PTCH1: variants seen among roughly 807,000 people sequenced by gnomAD.
PTCH1 encodes the protein patched 1, also known as protein patched homolog 1.
A neutral mutation model predicts 144.6 loss-of-function variants in PTCH1; 14 were observed. That is an observed-to-expected ratio of 0.10 (90% CI 0.06 to 0.15). The LOEUF (loss-of-function observed/expected upper bound fraction) is 0.15. PTCH1 is among the 10% of genes least tolerant of loss of function. PTCH1 has a pLI of 1.00. For missense variants in PTCH1, 1,623 were observed against 1,948.3 expected, an observed-to-expected ratio of 0.83 and a Z score of 3.14; for synonymous variants, 833 against 793.6, an observed-to-expected ratio of 1.05 and a Z score of -0.83.
At chr9:95,501,465 T>C (rs546291266) in intron 2 of PTCH1, among the ~76,000 whole-genome samples, 57 of 151,638 alleles carry the variant, frequency 3.8e-4, no homozygotes, top group African/African-American at 1.3e-3. Flanking sequence ...GCATTAACAC[T>C]AGCAAGGTAC....
In PTCH1 at chr9:95,446,087, C is replaced by T. The variant is rs757047196; in HGVS notation, c.*306G>A. 44 of 204,704 alleles carry T rather than the reference C, an allele frequency of 2.1e-4. No homozygotes were observed. The highest frequency in any genetic ancestry group is 3.4e-4 in the Non-Finnish European group (33 of 96,198). 12.7% of individuals were successfully genotyped at this position (204,704 alleles called of 1,614,324 possible). Reference sequence around the variant, plus strand: ...AGACTAATGAAGCTTGGTTGTGGCACGGAGCCCAATGCACAAATACGGAGA... The same window carrying T: ...AGACTAATGAAGCTTGGTTGTGGCATGGAGCCCAATGCACAAATACGGAGA... On this transcript the variant is annotated 3_prime_UTR_variant, in exon 24 of 24. Transcript: ENST00000331920.
chr9:95,507,904 A>C, intron 1 of PTCH1: 1 of 1,292,734 alleles, frequency 7.7e-7, no homozygotes, highest in Non-Finnish European at 9.9e-7. Context: ...GGGCGTGTGT[A>C]TACACACACA....
chr9:95,488,815 T>C (rs1238647258), intron 2 of PTCH1, among the ~76,000 whole-genome samples: 1 of 152,166 alleles, frequency 6.6e-6, no homozygotes, highest in African/African-American at 2.4e-5. Context: ...GGGGAAAAGA[T>C]ATTTCAAATG....
At chr9:95,515,687 G>A (rs557924131) in intron 1 of PTCH1, among the ~76,000 whole-genome samples, 103 of 152,312 alleles carry the variant, frequency 6.8e-4, no homozygotes, top group South Asian at 1.2e-3. Flanking sequence ...TAAGCACTGG[G>A]CTGGTCGCCC....
intron 16 of PTCH1, among the ~76,000 whole-genome samples, chr9:95,461,156 C>T (rs1373905554): frequency 6.6e-6 from 1 of 152,100 alleles, no homozygotes; most frequent in Admixed American, 6.5e-5. Context: ...CTCCTGAACA[C>T]ACCTGCAGAA....
chr9:95,494,512 G>T, intron 2 of PTCH1: 1 of 926,150 alleles, frequency 1.1e-6, no homozygotes, highest in African/African-American at 1.8e-5. Flanking sequence ...TCTTCCATCC[G>T]GAACAGCGTA....
intron 1 of PTCH1, among the ~76,000 whole-genome samples, chr9:95,514,742 T>G (rs570559744): frequency 6.6e-6 from 1 of 152,334 alleles, no homozygotes; most frequent in Non-Finnish European, 1.5e-5. Context: ...AAGTTGAAGA[T>G]AATTTTGTAA....
At position 95,445,558 on chromosome 9, in the gene PTCH1, A is replaced by T. The variant is rs966758996; in HGVS notation, c.*835T>A. 4 of 152,232 alleles carry T rather than the reference A, an allele frequency of 2.6e-5. No homozygotes were observed. Among genetic ancestry groups the T allele is most frequent in the Non-Finnish European group, 5.9e-5 (4 of 68,068 alleles). 9.4% of individuals were successfully genotyped at this position (152,232 alleles called of 1,614,324 possible). Reference sequence around the variant, plus strand: ...GGATGGCAGCCAATGATCATAAGAGATGCCGTAGACACGAGGAGAGTCTAG... The same window carrying T: ...GGATGGCAGCCAATGATCATAAGAGTTGCCGTAGACACGAGGAGAGTCTAG... On this transcript the variant is annotated 3_prime_UTR_variant, in exon 24 of 24. Coordinates refer to ENST00000331920, the MANE Select transcript of PTCH1 (RefSeq NM_000264.5).
chr9:95,510,913 A>G (rs987667063), upstream of PTCH1, among the ~76,000 whole-genome samples: 3 of 149,814 alleles, frequency 2.0e-5, no homozygotes, highest in Non-Finnish European at 4.5e-5. Context: ...GTAGGTAGGG[A>G]GGCGGATGCG....
At chr9:95,493,455 C>G (rs1010884610) in intron 2 of PTCH1, among the ~76,000 whole-genome samples, 1 of 152,204 alleles carries the variant, frequency 6.6e-6, no homozygotes, top group Non-Finnish European at 1.5e-5. Flanking sequence ...AATGCGCAGT[C>G]TCAATACAGA....
intron 2 of PTCH1, chr9:95,495,098 G>A (rs1016011663): frequency 1.3e-5 from 2 of 152,258 alleles, no homozygotes; most frequent in African/African-American, 2.4e-5. Flanking sequence ...CTCTGCATCT[G>A]TGCAGGGAGA....
upstream of PTCH1, among the ~76,000 whole-genome samples, chr9:95,511,642 A>T (rs1323249314): frequency 6.6e-6 from 1 of 152,202 alleles, no homozygotes; most frequent in Non-Finnish European, 1.5e-5. Context: ...AATGACACTG[A>T]GTTGATAAAG....
chr9:95,479,244 G>T, intron 7 of PTCH1, 97 bp from the exon 8 acceptor site: 1 of 1,495,630 alleles, frequency 6.7e-7, no homozygotes, highest in Non-Finnish European at 9.3e-7. Context: ...CTCACTGGCT[G>T]CAATTCTTTT....
chr9:95,453,139 A>G, intron 20 of PTCH1: 1 of 303,166 alleles, frequency 3.3e-6, no homozygotes, highest in Non-Finnish European at 6.5e-6. Flanking sequence ...TAATAACAAT[A>G]TTTTTTTTTT....
At chr9:95,456,441 G>A (rs2136651115) in intron 18 of PTCH1, 28 bp from the exon 19 acceptor site, 2 of 1,612,002 alleles carry the variant, frequency 1.2e-6, no homozygotes, top group Non-Finnish European at 8.5e-7. Context: ...GTGGTCAGTG[G>A]GCGGGCAGGT....
chr9:95,507,088 T>C (rs559518761), intron 1 of PTCH1: 2 of 985,952 alleles, frequency 2.0e-6, no homozygotes, highest in African/African-American at 1.7e-5. Flanking sequence ...TTCCCCCAAC[T>C]GGACCCCCGC....
chr9:95,507,260 C>T (rs1364134324), intron 1 of PTCH1: 2 of 985,426 alleles, frequency 2.0e-6, no homozygotes, highest in African/African-American at 3.5e-5. Flanking sequence ...AGGGCAGCCA[C>T]ATGGATCTTT....
chr9:95,488,342 T>C (rs1181023293), intron 2 of PTCH1, among the ~76,000 whole-genome samples: 1 of 152,188 alleles, frequency 6.6e-6, no homozygotes, highest in Non-Finnish European at 1.5e-5. Context: ...ATGTGATGTT[T>C]CAACTAAGAC....
Position 95,449,235 on chromosome 9 carries a change from T to A in PTCH1, c.3638A>T (p.His1213Leu), listed in dbSNP as rs765296311. 1.3e-6 allele frequency: 2 copies of A among 1,587,560 alleles called. No homozygotes were observed. The highest frequency in any genetic ancestry group is 2.3e-5 in the South Asian group (2 of 87,672). Residue 1213 changes from histidine (H) to leucine (L), a missense_variant, in exon 22 of 24, where the codon CAC (histidine) becomes CTC (leucine). By Grantham distance (99) the His-to-Leu change is moderately conservative. Coordinates refer to ENST00000331920, the MANE Select transcript of PTCH1 (RefSeq NM_000264.5). This position sits in a 1 kb window ranked among gnomAD's most constrained non-coding sequence, Gnocchi z 5.3. ...GGAGGAATCAGACCCGCTGTGCGTG[T>A]GGCCGGGCGGCATGGCGAAGCGGAC... ...SVVRFAMPPG[H>L]THSGSDSSDS...
Sources: allele counts gnomAD v4.1 joint callset (sites outside exome capture counted in the v4.1 genomes callset), GRCh38; gene constraint gnomAD v4.1.1; non-coding constraint Gnocchi (gnomAD v3.1); transcripts MANE v1.5; gene names NCBI Gene and HGNC (gene_info 2026-07-23, HGNC 2026-07-21).